The following AGAP1 variants were observed in gnomAD, a reference collection of about 807,000 sequenced individuals.
AGAP1 encodes the protein arf-GAP with GTPase, ANK repeat and PH domain-containing protein 1.
AGAP1 carries 29 observed loss-of-function variants against 105.3 expected under a neutral mutation model. The ratio of observed to expected loss-of-function variants is 0.28; its 90% CI spans 0.21 to 0.38. The LOEUF (loss-of-function observed/expected upper bound fraction) is 0.38, where lower values mean the gene tolerates loss of function less well. Ranked by LOEUF, AGAP1 falls within the 10% of genes least tolerant of loss-of-function variation. The pLI, the probability that AGAP1 is intolerant of heterozygous loss-of-function variation, is 1.00. For synonymous variants in AGAP1, 509 were observed against 485.9 expected (o/e 1.05, Z -0.63); for missense variants, 998 against 1,165.1 (o/e 0.86, Z 2.09).
chr2:235,522,339 C>T (rs1232419308), intron 1 of AGAP1, among the ~76,000 whole-genome samples: 2 of 152,130 alleles, frequency 1.3e-5, no homozygotes, highest in Non-Finnish European at 2.9e-5. Flanking sequence ...GGACTTAGAC[C>T]TCCTGGGCTT....
At chr2:236,016,634 C>A (rs761987162) in intron 13 of AGAP1, among the ~76,000 whole-genome samples, 1 of 152,092 alleles carries the variant, frequency 6.6e-6, no homozygotes, top group South Asian at 2.1e-4. Context: ...TGCAGCAGTG[C>A]GAACTTCTCA....
At chr2:235,564,159 C>G (rs973107756) in intron 1 of AGAP1, among the ~76,000 whole-genome samples, 1 of 152,156 alleles carries the variant, frequency 6.6e-6, no homozygotes, top group African/African-American at 2.4e-5. Context: ...TATTTATGAT[C>G]GTAGCCCTGG....
At chr2:235,928,242 G>A (rs1400874077) in intron 11 of AGAP1, among the ~76,000 whole-genome samples, 1 of 152,200 alleles carries the variant, frequency 6.6e-6, no homozygotes, top group African/African-American at 2.4e-5. Flanking sequence ...AGCGGAACCA[G>A]GCCAGGGAAG....
At position 236,012,670 on chromosome 2, in the gene AGAP1, G is replaced by A. The variant is rs554144260; in HGVS notation, c.1646-23891G>A. Among the ~76,000 whole-genome samples, 429 of 152,258 alleles carry A rather than the reference G, an allele frequency of 2.8e-3. 1 individual carries two copies. Among genetic ancestry groups the A allele is most frequent in the Non-Finnish European group, 5.4e-3 (366 of 68,012 alleles). On this transcript the variant is annotated intron_variant, in intron 13 of 17. Coordinates refer to ENST00000304032, the MANE Select transcript of AGAP1 (RefSeq NM_001037131.3). The surrounding 1 kb of genome is among the most constrained non-coding windows in gnomAD (Gnocchi z 4.9). ...GATAGTGAAGAAACCTGAAGGTATA[G>A]ACATAAAGAAGTCTTCACTTGTGAA...
At chr2:236,011,199 G>A (rs952171171) in intron 13 of AGAP1, among the ~76,000 whole-genome samples, 2 of 152,184 alleles carry the variant, frequency 1.3e-5, no homozygotes, top group African/African-American at 2.4e-5. Flanking sequence ...CTGAGTTCAC[G>A]GTTCACGTTT....
At position 235,702,092 on chromosome 2, in the gene AGAP1, C is replaced by T. The variant is rs544784888; in HGVS notation, c.164-7087C>T. Among the ~76,000 whole-genome samples the T allele has an allele frequency of 9.2e-5, 14 of 151,982 alleles. No individual in the cohort carries two copies. The East Asian group carries it at 1.9e-3, about 21-fold the overall frequency. On this transcript the variant is annotated intron_variant, in intron 1 of 17. Coordinates refer to ENST00000304032, the MANE Select transcript of AGAP1 (RefSeq NM_001037131.3). ...TTTTTTAGCCTTGTGTATAATTTCA[C>T]GAGTTTTGTCTGGAATGCGTATTTG... is the stretch of plus-strand genomic sequence containing the variant.
chr2:235,993,093 A>G lies in AGAP1; in HGVS notation c.1645+24470A>G, dbSNP rs1317469695. On this transcript the variant is annotated intron_variant, in intron 13 of 17. Transcript: ENST00000304032. This position sits in a 1 kb window ranked among gnomAD's most constrained non-coding sequence, Gnocchi z 5.0. ...TGAAAATGACTTTAGCAGAGATTCT[A>G]GCTAATACATGGAGTTGTGCTTCCT... Among the ~76,000 whole-genome samples, 3 of 152,216 alleles carry G rather than the reference A, an allele frequency of 2.0e-5. No homozygotes were observed. Among genetic ancestry groups the G allele is most frequent in the African/African-American group, 4.8e-5 (2 of 41,454 alleles).
rs545749372 is a variant in AGAP1 at position 235,635,490 on chromosome 2, A to G, written c.164-73689A>G. 3.2e-4 allele frequency among the ~76,000 whole-genome samples: 49 copies of G among 152,296 alleles called. 1 individual carries two copies. The South Asian group carries it at 0.01, about 32-fold the overall frequency. ...ATTCGTTCTTTTATTCATCATCCAA[A>G]AAGTTCCATTGTTTGAGATGATTCA... On this transcript the variant is annotated intron_variant, in intron 1 of 17. Coordinates refer to ENST00000304032, the MANE Select transcript of AGAP1 (RefSeq NM_001037131.3). The surrounding 1 kb of genome is among the most constrained non-coding windows in gnomAD (Gnocchi z 5.3).
intron 9 of AGAP1, among the ~76,000 whole-genome samples, chr2:235,881,557 GAAGACA>G (rs2050024552): frequency 6.6e-6 from 1 of 152,198 alleles, no homozygotes; most frequent in Non-Finnish European, 1.5e-5. Flanking sequence ...GAGAAGGGAG[GAAGACA>G]GAGACAGAGA....
chr2:235,764,754 G>T (rs1329164843), intron 6 of AGAP1, among the ~76,000 whole-genome samples: 1 of 117,730 alleles, frequency 8.5e-6, no homozygotes, highest in Non-Finnish European at 1.8e-5. Flanking sequence ...CCGTGGGGTG[G>T]GGGCATCTGG....
rs2149596883 is a variant in AGAP1, at chr2:235,728,545, T to C, written c.310+10901T>C. ...TTCAGGAGGATTCTGAGGCAGGGTC[T>C]GTGTGCAGGAGGAGTGCTAGTGTGA... On this transcript the variant is annotated intron_variant, in intron 3 of 17. Coordinates refer to ENST00000304032, the MANE Select transcript of AGAP1 (RefSeq NM_001037131.3). The surrounding 1 kb of genome is among the most constrained non-coding windows in gnomAD (Gnocchi z 4.3). Among the ~76,000 whole-genome samples the C allele has an allele frequency of 6.6e-6, 1 of 152,278 alleles. No homozygotes were observed. Among genetic ancestry groups the C allele is most frequent in the East Asian group, 1.9e-4 (1 of 5,170 alleles).
rs1165785706 is a variant in AGAP1, at chr2:235,729,052, G to A, written c.310+11408G>A. ...AGGCAGAGGCATGATAAGAGTCAGA[G>A]TGGCTGGGCTCCAGGGCTCCAGCCA... is the stretch of plus-strand genomic sequence containing the variant. On this transcript the variant is annotated intron_variant, in intron 3 of 17. Coordinates refer to ENST00000304032, the MANE Select transcript of AGAP1 (RefSeq NM_001037131.3). The surrounding 1 kb of genome is among the most constrained non-coding windows in gnomAD (Gnocchi z 5.0). 6.6e-6 allele frequency among the ~76,000 whole-genome samples: 1 copy of A among 152,152 alleles called. No homozygotes were observed. Among genetic ancestry groups the A allele is most frequent in the African/African-American group, 2.4e-5 (1 of 41,402 alleles).
chr2:235,653,812 T>C (rs1947687839), intron 1 of AGAP1, among the ~76,000 whole-genome samples: 1 of 152,132 alleles, frequency 6.6e-6, no homozygotes, highest in Non-Finnish European at 1.5e-5. Context: ...ATCACAACAC[T>C]TTGGATGGCC....
rs1957076506 is a variant in AGAP1 at position 235,793,138 on chromosome 2, G to A, written c.674-4621G>A. On this transcript the variant is annotated intron_variant, in intron 6 of 17. Coordinates refer to ENST00000304032, the MANE Select transcript of AGAP1 (RefSeq NM_001037131.3). This position sits in a 1 kb window ranked among gnomAD's most constrained non-coding sequence, Gnocchi z 5.3. ...ATGCTGCTCAGAGGTCCAGGAAGGT[G>A]CGACCTAGCCTCTGGACCACTCCCA... 6.6e-6 allele frequency among the ~76,000 whole-genome samples: 1 copy of A among 152,254 alleles called. No individual in the cohort carries two copies. The highest frequency in any genetic ancestry group is 6.5e-5 in the Admixed American group (1 of 15,296).
chr2:235,871,878 T>C (rs1222589834), intron 9 of AGAP1, among the ~76,000 whole-genome samples: 4 of 152,082 alleles, frequency 2.6e-5, no homozygotes, highest in Non-Finnish European at 5.9e-5. Flanking sequence ...CCAGGGTCAG[T>C]GTGGGAGGAT....
rs1347389190 is a variant in AGAP1 at position 235,893,375 on chromosome 2, G to T, written c.1155+9926G>T. Among the ~76,000 whole-genome samples, 1 of 150,524 alleles carries T rather than the reference G, an allele frequency of 6.6e-6. No individual in the cohort carries two copies. Among genetic ancestry groups the T allele is most frequent in the Admixed American group, 6.6e-5 (1 of 15,108 alleles). On this transcript the variant is annotated intron_variant, in intron 10 of 17. Coordinates refer to ENST00000304032, the MANE Select transcript of AGAP1 (RefSeq NM_001037131.3). The surrounding 1 kb of genome is among the most constrained non-coding windows in gnomAD (Gnocchi z 4.7). ...TGGGTGTGCCGTGTCCATCATAGGG[G>T]TGTGCTGTGTCTGTGGCGTGGGTGT...
At chr2:235,784,179 C>T (rs1016388748) in intron 6 of AGAP1, among the ~76,000 whole-genome samples, 1 of 152,022 alleles carries the variant, frequency 6.6e-6, no homozygotes, top group Non-Finnish European at 1.5e-5. Flanking sequence ...TTGTAGGTCT[C>T]GTACATTAAG....
rs573493136 is a variant in AGAP1 at position 236,124,411 on chromosome 2, G to A, written c.*289G>A. On this transcript the variant is annotated 3_prime_UTR_variant, in exon 18 of 18. Coordinates refer to ENST00000304032, the MANE Select transcript of AGAP1 (RefSeq NM_001037131.3). The surrounding 1 kb of genome is among the most constrained non-coding windows in gnomAD (Gnocchi z 5.1). ...CGGCCCTTTGATGATAGCACATGGC[G>A]CAGGACCCTTGTCCTGGTGGCACAA... 2.5e-4 allele frequency: 113 copies of A among 461,016 alleles called. No homozygotes were observed. Among genetic ancestry groups the A allele is most frequent in the Middle Eastern group, 1.2e-3 (2 of 1,658 alleles). The allele number at this position is 461,016 out of a possible 1,614,324, so 28.6% of individuals were successfully genotyped here.
rs1467311687 is a variant in AGAP1, at chr2:235,982,641, C to T, written c.1645+14018C>T. Among the ~76,000 whole-genome samples, 1 of 152,214 alleles carries T rather than the reference C, an allele frequency of 6.6e-6. No individual in the cohort carries two copies. Reference sequence around the variant, plus strand: ...AGAAGGTTTAGGCCCTGTTTCTTTTCGAGCAGCACAGAAATACTTGCCCAG... The same window carrying T: ...AGAAGGTTTAGGCCCTGTTTCTTTTTGAGCAGCACAGAAATACTTGCCCAG... On this transcript the variant is annotated intron_variant, in intron 13 of 17. Coordinates refer to ENST00000304032, the MANE Select transcript of AGAP1 (RefSeq NM_001037131.3). This position sits in a 1 kb window ranked among gnomAD's most constrained non-coding sequence, Gnocchi z 4.9.
Sources: allele counts gnomAD v4.1 joint callset (sites outside exome capture counted in the v4.1 genomes callset), GRCh38; gene constraint gnomAD v4.1.1; non-coding constraint Gnocchi (gnomAD v3.1); transcripts MANE v1.5; gene names NCBI Gene and HGNC (gene_info 2026-07-23, HGNC 2026-07-21).